ZNF81: variants seen among roughly 807,000 people sequenced by gnomAD.
The protein encoded by ZNF81 is zinc finger protein 81 (HFZ20).
A neutral mutation model predicts 32.3 loss-of-function variants in ZNF81; 5 were observed. The ratio of observed to expected loss-of-function variants is 0.15; its 90% confidence interval spans 0.08 to 0.33. The LOEUF (loss-of-function observed/expected upper bound fraction) is 0.33, where lower values mean the gene tolerates loss of function less well. Among genes scored for constraint, ZNF81 ranks in the 10% least tolerant of loss-of-function variants. The pLI, the probability that ZNF81 is intolerant of heterozygous loss-of-function variation, is 1.00. For missense variants in ZNF81, 379 were observed against 479.8 expected, an observed-to-expected ratio of 0.79 and a Z score of 1.96; for synonymous variants, 163 against 166.8, an observed-to-expected ratio of 0.98 and a Z score of 0.17.
chrX:47,863,651 A>G (rs1452546126), intron 2 of ZNF81, among the ~76,000 whole-genome samples: 2 of 111,941 alleles, frequency 1.8e-5, no homozygotes, highest in Non-Finnish European at 3.8e-5. Context: ...ACTATTCTAC[A>G]AGGCCTGTGG....
intron 1 of ZNF81, chrX:47,842,561 G>C (rs1556879912): frequency 9.0e-6 from 1 of 111,475 alleles, no homozygotes; most frequent in Non-Finnish European, 1.9e-5. Flanking sequence ...ATTTGTGTTT[G>C]TTGTTTTAAT....
intron 1 of ZNF81, chrX:47,840,961 G>T: frequency 1.7e-6 from 1 of 580,353 alleles, no homozygotes; most frequent in Non-Finnish European, 2.8e-6. Context: ...TGGCACCTGG[G>T]TCTAGTTCAG....
At position 47,917,085 on chromosome X, in the gene ZNF81, G is replaced by C; in HGVS notation, c.*453G>C. The C allele has an allele frequency of 3.5e-6, 1 of 284,882 alleles. No homozygotes were observed. The highest frequency in any genetic ancestry group is 4.9e-5 in the East Asian group (1 of 20,385). 23.5% of individuals were successfully genotyped at this position (284,882 alleles called of 1,213,427 possible). The stretch of plus-strand genomic sequence containing the variant: ...GAGTAGACCTACTTTCAGTTCCATA[G>C]GGTGTTTGTGGCAGAACACAGTGCA... On this transcript the variant is annotated 3_prime_UTR_variant, in exon 5 of 5. Transcript: ENST00000338637.
At chrX:47,846,458 C>T in intron 2 of ZNF81, 137 bp downstream of exon 2, 1 of 669,264 alleles carries the variant, frequency 1.5e-6, no homozygotes, top group Non-Finnish European at 2.3e-6. Flanking sequence ...TTTTATTGGT[C>T]ATTTATTTCC....
Position 47,917,456 on chromosome X carries a change from T to C in ZNF81, c.*824T>C, listed in dbSNP as rs901035824. 1.2e-4 allele frequency: 33 copies of C among 286,167 alleles called. No individual in the cohort carries two copies. The highest frequency in any genetic ancestry group is 1.1e-4 in the Non-Finnish European group (18 of 163,904). The allele number at this position is 286,167 out of a possible 1,213,427, so 23.6% of individuals were successfully genotyped here. A position where few individuals can be genotyped will look rare whatever the true frequency, so the allele number is the denominator to read the frequency against. Reference sequence around the variant, plus strand: ...TGGCCACGTGACTTTCTTTGGCCAATGGAAATTAGCAAAGAGAATCAATAA... The same window carrying C: ...TGGCCACGTGACTTTCTTTGGCCAACGGAAATTAGCAAAGAGAATCAATAA... On this transcript the variant is annotated 3_prime_UTR_variant, in exon 5 of 5. Coordinates refer to ENST00000338637, the MANE Select transcript of ZNF81 (RefSeq NM_007137.5).
intron 2 of ZNF81, among the ~76,000 whole-genome samples, chrX:47,862,185 AT>A (rs2058542907): frequency 9.0e-6 from 1 of 111,035 alleles, no homozygotes; most frequent in Non-Finnish European, 1.9e-5. Context: ...CAAGATGCAA[AT>A]CACCATATTT....
At chrX:47,841,060 C>T (rs1556879730) in intron 1 of ZNF81, 17 of 868,097 alleles carry the variant, frequency 2.0e-5, no homozygotes, top group Admixed American at 1.8e-4. Context: ...GGTAGCATGA[C>T]GGGCCACTGA....
At chrX:47,859,739 T>C (rs1432513012) in intron 2 of ZNF81, among the ~76,000 whole-genome samples, 2 of 111,777 alleles carry the variant, frequency 1.8e-5, no homozygotes, top group Non-Finnish European at 3.8e-5. Context: ...AAGGACTTTA[T>C]TACTCATGGC....
Position 47,914,976 on chromosome X carries a change from A to G in ZNF81, c.330A>G (p.Thr110=). 2 of 1,207,832 alleles carry G rather than the reference A, an allele frequency of 1.7e-6. No individual in the cohort carries two copies. Among genetic ancestry groups the G allele is most frequent in the East Asian group, 3.0e-5 (1 of 33,767 alleles). ...AGAGGAGAATTTCTGGGAAATCTAC[A>G]TTTCATAGTGAAATGGAGGGTGAAG... The part of the protein sequence containing the change: ...PSQRRISGKS[T]FHSEMEGEDT... Residue 110 remains threonine (T), a synonymous_variant, in exon 5 of 5, where the codon ACA becomes ACG. Transcript: ENST00000338637.
At chrX:47,890,987 G>A (rs2058660386) in intron 3 of ZNF81, among the ~76,000 whole-genome samples, 1 of 111,600 alleles carries the variant, frequency 9.0e-6, no homozygotes. Flanking sequence ...GCTGCTTCTT[G>A]CTCACTAGGT....
chrX:47,884,602 A>G (rs1556885549), intron 2 of ZNF81, among the ~76,000 whole-genome samples: 1 of 112,155 alleles, frequency 8.9e-6, no homozygotes, highest in East Asian at 2.8e-4. Flanking sequence ...GCTATGCATC[A>G]AATAGATAAG....
chrX:47,847,408 G>A (rs1252676112), intron 2 of ZNF81, among the ~76,000 whole-genome samples: 4 of 111,861 alleles, frequency 3.6e-5, no homozygotes, highest in African/African-American at 9.8e-5. Context: ...ATGTCATAGA[G>A]GAGAAAACTG....
intron 1 of ZNF81, among the ~76,000 whole-genome samples, chrX:47,845,722 T>C (rs1372035965): frequency 8.9e-6 from 1 of 112,099 alleles, no homozygotes; most frequent in Non-Finnish European, 1.9e-5. Flanking sequence ...ACATGCTTCC[T>C]TATAACAATA....
chrX:47,879,843 C>G (rs189520798), intron 2 of ZNF81, among the ~76,000 whole-genome samples: 56 of 112,036 alleles, frequency 5.0e-4, no homozygotes, highest in Non-Finnish European at 7.5e-5. Context: ...CCCTTTTAAT[C>G]TATGGCAAAT....
intron 3 of ZNF81, among the ~76,000 whole-genome samples, chrX:47,890,624 G>A (rs1158889791): frequency 1.8e-5 from 2 of 111,821 alleles, no homozygotes; most frequent in Admixed American, 9.4e-5. Context: ...CAGCAGAGCA[G>A]CTTGCACAGC....
intron 2 of ZNF81, among the ~76,000 whole-genome samples, chrX:47,875,449 G>A (rs782328175): frequency 2.3e-4 from 26 of 112,351 alleles, no homozygotes; most frequent in Middle Eastern, 4.6e-3. Context: ...TTAAGAGAAA[G>A]CCCTGCAGGC....
intron 2 of ZNF81, among the ~76,000 whole-genome samples, chrX:47,862,642 A>G (rs782722266): frequency 2.7e-5 from 3 of 112,232 alleles, no homozygotes; most frequent in African/African-American, 9.7e-5. Context: ...GTCCAGGGAC[A>G]CAGGGTGAGA....
chrX:47,876,705 C>T (rs922773367), intron 2 of ZNF81, among the ~76,000 whole-genome samples: 3 of 112,252 alleles, frequency 2.7e-5, no homozygotes, highest in African/African-American at 9.7e-5. Context: ...GTTATAGTCA[C>T]TATGTTTGAA....
At chrX:47,914,007 A>G (rs1371503792) in intron 4 of ZNF81, among the ~76,000 whole-genome samples, 1 of 111,681 alleles carries the variant, frequency 9.0e-6, no homozygotes, top group Non-Finnish European at 1.9e-5. Flanking sequence ...TTGGACTTGT[A>G]CACATACCAG....
Sources: allele counts gnomAD v4.1 joint callset (sites outside exome capture counted in the v4.1 genomes callset), GRCh38; gene constraint gnomAD v4.1.1; transcripts MANE v1.5; gene names NCBI Gene and HGNC (gene_info 2026-07-23, HGNC 2026-07-21).